The following N4BP2L2 variants were observed in gnomAD, a reference collection of about 807,000 sequenced individuals.
N4BP2L2 encodes NEDD4-binding protein 2-like 2.
N4BP2L2 carries 50 observed loss-of-function variants against 56.2 expected under a neutral mutation model. The ratio of observed to expected loss-of-function variants is 0.89; its 90% CI spans 0.71 to 1.13. N4BP2L2 has a LOEUF of 1.13. N4BP2L2 is among the 50% of genes most tolerant of loss of function. The probability of loss-of-function intolerance (pLI) is 0.00; values close to 1 mark genes in which losing one functional copy is unlikely to be tolerated. For missense variants in N4BP2L2, 689 were observed against 693.8 expected (o/e 0.99, Z 0.08); for synonymous variants, 203 against 223.6 (o/e 0.91, Z 0.82).
At chr13:32,435,426 G>A (rs905695509) in intron 9 of N4BP2L2, among the ~76,000 whole-genome samples, 2 of 151,954 alleles carry the variant, frequency 1.3e-5, no homozygotes, top group South Asian at 2.1e-4. Flanking sequence ...TAGAAACGGG[G>A]TTTTGCCATG....
intron 6 of N4BP2L2, among the ~76,000 whole-genome samples, chr13:32,484,776 T>G (rs1181066591): frequency 1.3e-5 from 2 of 152,198 alleles, no homozygotes; most frequent in Non-Finnish European, 2.9e-5. Flanking sequence ...TGAGCCACCA[T>G]GCCCGGCTGT....
At chr13:32,479,981 A>G (rs1437493982) in intron 6 of N4BP2L2, among the ~76,000 whole-genome samples, 2 of 152,184 alleles carry the variant, frequency 1.3e-5, no homozygotes, top group Non-Finnish European at 2.9e-5. Context: ...TAAATTTCCA[A>G]AACTGATGAA....
In N4BP2L2 at chr13:32,443,261, C is replaced by T. The variant is rs2076608165; in HGVS notation, c.1231G>A (p.Val411Met). 8 of 1,613,944 alleles carry T rather than the reference C, an allele frequency of 5.0e-6. No homozygotes were observed. In the East Asian group the frequency reaches 1.8e-4, roughly 36 times the overall value. Residue 411 changes from valine to methionine, a missense_variant, in exon 7 of 10, where the codon GTG becomes ATG. By Grantham distance (21) the Val-to-Met change is conservative (BLOSUM62 1). Transcript: ENST00000357505. ...TTGTTTCCTGGTTCTGATGCTGCCA[C>T]CGAAGTGAAGATCATTTGAATCCAT... is the stretch of plus-strand genomic sequence containing the variant.
intron 6 of N4BP2L2, among the ~76,000 whole-genome samples, chr13:32,482,867 C>T (rs1474715367): frequency 6.6e-6 from 1 of 152,192 alleles, no homozygotes; most frequent in African/African-American, 2.4e-5. Context: ...TTCTCTTACA[C>T]TAATTTCATA....
At chr13:32,500,010 T>C (rs1230742705) in intron 6 of N4BP2L2, among the ~76,000 whole-genome samples, 4 of 152,228 alleles carry the variant, frequency 2.6e-5, no homozygotes, top group Non-Finnish European at 4.4e-5. Flanking sequence ...TGTCTAATAT[T>C]TGCTGACTGA....
At chr13:32,441,198 A>G (rs561563868) in intron 7 of N4BP2L2, among the ~76,000 whole-genome samples, 1 of 152,244 alleles carries the variant, frequency 6.6e-6, no homozygotes, top group South Asian at 2.1e-4. Flanking sequence ...TTTTAAGTCA[A>G]CTAGTCAGGC....
intron 3 of N4BP2L2, 73 bp from the exon 4 acceptor site, chr13:32,522,343 T>A: frequency 4.0e-6 from 4 of 991,802 alleles, no homozygotes; most frequent in Non-Finnish European, 5.8e-6. Context: ...ACATTTATTA[T>A]TAAGAAATGT....
intron 6 of N4BP2L2, among the ~76,000 whole-genome samples, chr13:32,454,908 G>C (rs2078703892): frequency 6.6e-6 from 1 of 152,222 alleles, no homozygotes; most frequent in African/African-American, 2.4e-5. Context: ...GGAATCAGGT[G>C]GGAGCCCAGA....
chr13:32,511,782 A>C (rs1387108703), exon 6 of N4BP2L2: 1 of 152,198 alleles, frequency 6.6e-6, no homozygotes, highest in African/African-American at 2.4e-5. Context: ...AAATGAATAG[A>C]GTGAAAGAAA....
rs573215170 is a variant in N4BP2L2 at position 32,464,594 on chromosome 13, G to A, written c.366-20468C>T. On this transcript the variant is annotated intron_variant, in intron 6 of 9. Coordinates refer to the N4BP2L2 transcript ENST00000357505. ...ACTGCAGCTTCTTGCATATATCAAGGTTTTGGAAACTTATCCACTTTTTGC... is the reference window on the plus strand; with the variant it reads ...ACTGCAGCTTCTTGCATATATCAAGATTTTGGAAACTTATCCACTTTTTGC... Among the ~76,000 whole-genome samples, 8 of 152,222 alleles carry A rather than the reference G, an allele frequency of 5.3e-5. No individual in the cohort carries two copies. In the South Asian group the frequency reaches 1.7e-3, roughly 32 times the overall value.
At chr13:32,489,231 C>G (rs1213128340) in intron 6 of N4BP2L2, among the ~76,000 whole-genome samples, 2 of 152,180 alleles carry the variant, frequency 1.3e-5, no homozygotes, top group African/African-American at 4.8e-5. Flanking sequence ...TTCTCATCAG[C>G]TACGAATTAG....
intron 5 of N4BP2L2, among the ~76,000 whole-genome samples, chr13:32,520,642 G>C (rs1385725564): frequency 1.4e-5 from 2 of 146,104 alleles, no homozygotes; most frequent in African/African-American, 2.5e-5. Flanking sequence ...CTGGGCAACA[G>C]AGCGAGACTC....
chr13:32,490,798 T>C (rs1241970807), intron 6 of N4BP2L2, among the ~76,000 whole-genome samples: 4 of 152,106 alleles, frequency 2.6e-5, no homozygotes, highest in Non-Finnish European at 5.9e-5. Context: ...GAGAATCTAA[T>C]GCCACCGCTG....
chr13:32,458,757 A>G (rs79601734), intron 6 of N4BP2L2, among the ~76,000 whole-genome samples: 149 of 152,322 alleles, frequency 9.8e-4, no homozygotes, highest in African/African-American at 3.4e-3. Flanking sequence ...AACAAAAAAC[A>G]TAAGATTTAA....
At chr13:32,462,481 A>T (rs1485720224) in intron 6 of N4BP2L2, among the ~76,000 whole-genome samples, 1 of 152,092 alleles carries the variant, frequency 6.6e-6, no homozygotes, top group Admixed American at 6.5e-5. Flanking sequence ...GAATGGATGA[A>T]GAGAGGTTGG....
intron 6 of N4BP2L2, among the ~76,000 whole-genome samples, chr13:32,467,609 T>A (rs1276629371): frequency 6.6e-6 from 1 of 150,910 alleles, no homozygotes; most frequent in African/African-American, 2.4e-5. Context: ...GACAAAAGAA[T>A]CAAGATCCAG....
At chr13:32,500,464 G>A (rs2089754799) in intron 6 of N4BP2L2, among the ~76,000 whole-genome samples, 1 of 150,398 alleles carries the variant, frequency 6.6e-6, no homozygotes, top group Non-Finnish European at 1.5e-5. Context: ...AGGTGCAGTG[G>A]CTCTTGCCCA....
chr13:32,521,211 T>G (rs1311032141), intron 5 of N4BP2L2, among the ~76,000 whole-genome samples, 162 bp downstream of exon 5: 1 of 152,054 alleles, frequency 6.6e-6, no homozygotes, highest in Non-Finnish European at 1.5e-5. Context: ...AGAAGGACAA[T>G]GCAGAGAAGT....
chr13:32,433,613 T>C (rs1454871086), intron 9 of N4BP2L2, among the ~76,000 whole-genome samples: 1 of 143,046 alleles, frequency 7.0e-6, no homozygotes, highest in Non-Finnish European at 1.5e-5. Flanking sequence ...CAGAGCAAGA[T>C]TCCATCTCAA....
Sources: gnomAD v4.1 joint callset for allele counts (sites outside exome capture counted in the v4.1 genomes callset) on GRCh38, gnomAD v4.1.1 for gene constraint, MANE v1.5 for transcripts, NCBI Gene and HGNC (gene_info 2026-07-23, HGNC 2026-07-21) for gene names.